CASP8: variants seen among roughly 807,000 people sequenced by gnomAD.
CASP8 encodes caspase 8, also known as caspase-8.
A neutral mutation model predicts 46.3 loss-of-function variants in CASP8; 24 were observed. The observed-to-expected ratio is 0.52, with a 90% CI of 0.38 to 0.73. The LOEUF (loss-of-function observed/expected upper bound fraction) is 0.73, where lower values mean the gene tolerates loss of function less well. Among genes scored for constraint, CASP8 ranks in the 30% least tolerant of loss-of-function variants. CASP8 has a pLI of 0.00. For missense variants in CASP8, 460 were observed against 559.0 expected (o/e 0.82, Z 1.79); for synonymous variants, 188 against 200.4 (o/e 0.94, Z 0.52).
At chr2:201,247,483 ATTT>A (rs34493196) in intron 2 of CASP8, among the ~76,000 whole-genome samples, 10 of 137,192 alleles carry the variant, frequency 7.3e-5, no homozygotes, top group Non-Finnish European at 7.8e-5. Flanking sequence ...AGCACAACCT[ATTT>A]TTTTTTTTTT....
Position 201,266,813 on chromosome 2 carries a change from G to A in CASP8, c.305+22G>A, listed in dbSNP as rs574483962. ...ACAGGTGGGTGGAAACTCCCATTGT[G>A]GGACTGGGAGGTGTGGGTTGAATGG... On this transcript the variant is annotated intron_variant, in intron 2 of 8. Coordinates refer to ENST00000673742, the MANE Select transcript of CASP8 (RefSeq NM_001372051.1). This position sits in a 1 kb window ranked among gnomAD's most constrained non-coding sequence, Gnocchi z 5.7. 2.5e-6 allele frequency: 4 copies of A among 1,586,708 alleles called. No homozygotes were observed. In the African/African-American group the frequency reaches 4.0e-5, roughly 16 times the overall value.
Position 201,235,835 on chromosome 2 carries a change from A to G in CASP8, c.-27+1723A>G, listed in dbSNP as rs1029495251. On this transcript the variant is annotated intron_variant, in intron 2 of 6. Coordinates refer to the CASP8 transcript ENST00000264274. The stretch of plus-strand genomic sequence containing the variant: ...TATAATACGGTATTTTTACTGTACC[A>G]TTTCTATGTTTAGATATATTTAGAT... Among the ~76,000 whole-genome samples, 7 of 152,158 alleles carry G rather than the reference A, an allele frequency of 4.6e-5. No individual in the cohort carries two copies. In the East Asian group the frequency reaches 1.2e-3, roughly 25 times the overall value.
intron 2 of CASP8, among the ~76,000 whole-genome samples, chr2:201,236,924 A>G (rs1411342429): frequency 2.6e-5 from 4 of 152,098 alleles, no homozygotes; most frequent in African/African-American, 9.7e-5. Context: ...GTTTTCAAGT[A>G]AAGAATAAAT....
At chr2:201,281,468 C>T (rs1949002912) in intron 7 of CASP8, among the ~76,000 whole-genome samples, 1 of 151,960 alleles carries the variant, frequency 6.6e-6, no homozygotes, top group African/African-American at 2.4e-5. Context: ...AAATTCATTA[C>T]AAAATGGAGC....
chr2:201,274,903 G>T lies in CASP8; in HGVS notation c.610G>T (p.Gly204Trp). Reference sequence around the variant, plus strand: ...GTTGTTTGCAGGGGAGGAGTTGTGTGGGGTAATGACAATCTCGGACTCTCC... The same window carrying T: ...GTTGTTTGCAGGGGAGGAGTTGTGTTGGGTAATGACAATCTCGGACTCTCC... ...DEFSNGEELC[G>W]VMTISDSPRE... Residue 204 changes from glycine to tryptophan, a missense_variant, in exon 6 of 9, where the codon GGG (glycine) becomes TGG (tryptophan). Gly to Trp is a radical substitution (Grantham distance 184, BLOSUM62 -2). Coordinates refer to ENST00000673742, the MANE Select transcript of CASP8 (RefSeq NM_001372051.1). 1 of 1,613,232 alleles carries T rather than the reference G, an allele frequency of 6.2e-7. No individual in the cohort carries two copies. Among genetic ancestry groups the T allele is most frequent in the Non-Finnish European group, 8.5e-7 (1 of 1,179,234 alleles).
chr2:201,257,893 C>T (rs1416417896), upstream of CASP8: 2 of 331,154 alleles, frequency 6.0e-6, no homozygotes, highest in Non-Finnish European at 1.2e-5. Context: ...TAAATGGAGT[C>T]AGTATAAATG....
Position 201,266,258 on chromosome 2 carries a change from G to A in CASP8, c.-26-203G>A, listed in dbSNP as rs1191142528. ...CTCCCAAAGTGTTGGGATTAGAGGC[G>A]TGAGCCACCGCGCCCAGCCCATTGG... On this transcript the variant is annotated intron_variant, in intron 1 of 8. Transcript: ENST00000673742. This position sits in a 1 kb window ranked among gnomAD's most constrained non-coding sequence, Gnocchi z 5.7. Among the ~76,000 whole-genome samples, 3 of 152,170 alleles carry A rather than the reference G, an allele frequency of 2.0e-5. No individual in the cohort carries two copies. The highest frequency in any genetic ancestry group is 2.9e-5 in the Non-Finnish European group (2 of 68,034).
intron 2 of CASP8, among the ~76,000 whole-genome samples, chr2:201,270,105 A>G (rs2125213415): frequency 6.6e-6 from 1 of 152,318 alleles, no homozygotes. Flanking sequence ...TTGTATTAAA[A>G]TTATTTTCCT....
intron 2 of CASP8, among the ~76,000 whole-genome samples, chr2:201,245,652 C>T (rs188505292): frequency 6.6e-6 from 1 of 152,292 alleles, no homozygotes; most frequent in East Asian, 1.9e-4. Flanking sequence ...AGGGGACCAC[C>T]AGTGTAGCCT....
rs1161874336 is a variant in CASP8, at chr2:201,266,021, C to T, written c.-26-440C>T. On this transcript the variant is annotated intron_variant, in intron 1 of 8. Transcript: ENST00000673742. This position sits in a 1 kb window ranked among gnomAD's most constrained non-coding sequence, Gnocchi z 5.7. ...GTGAGACGGAGTCTTGCCCTGTCAC[C>T]CAGGCTGGAGTGCAGTGGTGCAATC... Among the ~76,000 whole-genome samples the T allele has an allele frequency of 6.6e-6, 1 of 151,460 alleles. No homozygotes were observed. Among genetic ancestry groups the T allele is most frequent in the East Asian group, 1.9e-4 (1 of 5,158 alleles).
intron 2 of CASP8, among the ~76,000 whole-genome samples, chr2:201,254,439 C>T (rs1045680212): frequency 2.0e-5 from 3 of 152,226 alleles, no homozygotes; most frequent in African/African-American, 7.2e-5. Flanking sequence ...CCTTGCCACG[C>T]TCTGGAGGAG....
intron 2 of CASP8, among the ~76,000 whole-genome samples, chr2:201,247,207 A>G (rs1244548509): frequency 2.0e-5 from 3 of 151,476 alleles, no homozygotes; most frequent in Non-Finnish European, 4.4e-5. Context: ...AAAAAAAAAA[A>G]AAAAAAAAGA....
Position 201,266,897 on chromosome 2 carries a change from C to T in CASP8, c.305+106C>T. 1.4e-6 allele frequency: 1 copy of T among 715,356 alleles called. No homozygotes were observed. The highest frequency in any genetic ancestry group is 2.3e-6 in the Non-Finnish European group (1 of 436,178). The allele number at this position is 715,356 out of a possible 1,614,324, so 44.3% of individuals were successfully genotyped here. ...GGTACCCTGCCTAGTGCCTGGGAAC[C>T]CAGCAGTGCCACAATTCTAAGCTTC... On this transcript the variant is annotated intron_variant, in intron 2 of 8. Coordinates refer to ENST00000673742, the MANE Select transcript of CASP8 (RefSeq NM_001372051.1). This position sits in a 1 kb window ranked among gnomAD's most constrained non-coding sequence, Gnocchi z 5.7.
intron 1 of CASP8, 61 bp downstream of exon 1, chr2:201,260,674 T>C (rs1947322889): frequency 1.9e-6 from 1 of 531,348 alleles, no homozygotes; most frequent in Non-Finnish European, 2.4e-6. Context: ...CCTTTGATTC[T>C]GGAGTTTTCT....
intron 3 of CASP8, 84 bp downstream of exon 3, chr2:201,271,705 T>C: frequency 1.2e-6 from 1 of 835,890 alleles, no homozygotes; most frequent in South Asian, 1.4e-5. Context: ...AGGGGTATTT[T>C]GGTAAAAGCA....
upstream of CASP8, among the ~76,000 whole-genome samples, chr2:201,256,369 T>C (rs1947018099): frequency 1.3e-5 from 2 of 152,220 alleles, no homozygotes; most frequent in Non-Finnish European, 1.5e-5. Context: ...GGACCAATCG[T>C]AGCATCCACT....
Position 201,266,049 on chromosome 2 carries a change from C to T in CASP8, c.-26-412C>T, listed in dbSNP as rs926839937. Reference sequence around the variant, plus strand: ...GGCTGGAGTGCAGTGGTGCAATCTCCGCTCACTGCAACCTCCACCTCCTGG... The same window carrying T: ...GGCTGGAGTGCAGTGGTGCAATCTCTGCTCACTGCAACCTCCACCTCCTGG... On this transcript the variant is annotated intron_variant, in intron 1 of 8. Transcript: ENST00000673742. The surrounding 1 kb of genome is among the most constrained non-coding windows in gnomAD (Gnocchi z 5.7). Among the ~76,000 whole-genome samples the T allele has an allele frequency of 2.6e-5, 4 of 151,506 alleles. No individual in the cohort carries two copies. The highest frequency in any genetic ancestry group is 7.3e-5 in the African/African-American group (3 of 41,308).
intron 1 of CASP8, among the ~76,000 whole-genome samples, chr2:201,264,403 C>G (rs1559347474): frequency 6.9e-6 from 1 of 144,266 alleles, no homozygotes; most frequent in Admixed American, 6.9e-5. Context: ...TTTGGTTTTG[C>G]TTTTTTTTTT....
chr2:201,269,671 T>A (rs1312893096), intron 2 of CASP8: 6 of 1,074,642 alleles, frequency 5.6e-6, no homozygotes, highest in Non-Finnish European at 7.1e-6. Context: ...CAATCCTGAC[T>A]TACTGCTTGT....
Sources: gnomAD v4.1 joint callset for allele counts (sites outside exome capture counted in the v4.1 genomes callset) on GRCh38, gnomAD v4.1.1 for gene constraint, Gnocchi (gnomAD v3.1) non-coding constraint, MANE v1.5 for transcripts, NCBI Gene and HGNC (gene_info 2026-07-23, HGNC 2026-07-21) for gene names.